The following DHX8 variants were observed in gnomAD, a reference collection of about 807,000 sequenced individuals.
The protein encoded by DHX8 is DEAH-box helicase 8, also known as ATP-dependent RNA helicase DHX8.
DHX8 carries 67 observed loss-of-function variants against 140.7 expected under a neutral mutation model. That is an observed-to-expected ratio of 0.48 (90% CI 0.39 to 0.58). DHX8 has a LOEUF of 0.58. Ranked by LOEUF, DHX8 falls within the 20% of genes least tolerant of loss-of-function variation. The pLI, the probability that DHX8 is intolerant of heterozygous loss-of-function variation, is 0.00. For missense variants in DHX8, 887 were observed against 1,550.7 expected (o/e 0.57, Z 7.19); for synonymous variants, 533 against 553.2 (o/e 0.96, Z 0.51).
intron 8 of DHX8, among the ~76,000 whole-genome samples, chr17:43,494,226 A>G (rs1567678500): frequency 6.6e-6 from 1 of 152,182 alleles, no homozygotes; most frequent in Admixed American, 6.5e-5. Flanking sequence ...CAGCGTGGGA[A>G]AGAGCTGCCT....
chr17:43,501,859 C>G (rs1480583596), intron 11 of DHX8, among the ~76,000 whole-genome samples: 4 of 152,084 alleles, frequency 2.6e-5, no homozygotes, highest in Non-Finnish European at 2.9e-5. Flanking sequence ...TGAGGGTGCC[C>G]TGCAGAATGA....
At chr17:43,521,111 C>T (rs1970355689) in intron 20 of DHX8, among the ~76,000 whole-genome samples, 2 of 151,602 alleles carry the variant, frequency 1.3e-5, no homozygotes, top group Non-Finnish European at 1.5e-5. Flanking sequence ...TACAGGCGTG[C>T]GCCACCGTGT....
At chr17:43,498,788 G>C (rs1410964881) in intron 9 of DHX8, 74 bp from the exon 10 acceptor site, 6 of 1,249,420 alleles carry the variant, frequency 4.8e-6, no homozygotes, top group Non-Finnish European at 6.8e-6. Flanking sequence ...GGTACCTATG[G>C]AAATTAATTG....
chr17:43,536,933 C>G (rs73304591), intron 3 of DHX8, among the ~76,000 whole-genome samples: 1 of 152,186 alleles, frequency 6.6e-6, no homozygotes, highest in East Asian at 1.9e-4. Context: ...CTTCTAGATG[C>G]TTTGTCTTTA....
chr17:43,533,306 G>A lies in DHX8; in HGVS notation c.351-3106G>A, dbSNP rs376164769. The stretch of plus-strand genomic sequence containing the variant: ...GGGGCGACTGTCCAAGGGCACCAGG[G>A]GCAGGGGACTTGATGGCGATTTGTC... On this transcript the variant is annotated intron_variant, in intron 2 of 3. Transcript: ENST00000589898. 14 of 1,613,788 alleles carry A rather than the reference G, an allele frequency of 8.7e-6. No individual in the cohort carries two copies. In the African/African-American group the frequency reaches 1.7e-4, roughly 20 times the overall value.
chr17:43,517,150 T>C lies in DHX8; in HGVS notation c.2644-17T>C. The C allele has an allele frequency of 6.2e-7, 1 of 1,603,268 alleles. No homozygotes were observed. The highest frequency in any genetic ancestry group is 1.1e-5 in the South Asian group (1 of 90,096). On this transcript the variant is annotated splice_polypyrimidine_tract_variant and intron_variant, in intron 17 of 22. Transcript: ENST00000262415. ...GTGTTTAACAGATATGTTGCTTTTA[T>C]ATGCCCACCCCTCTAGGCTCAGGCA...
chr17:43,522,305 T>A (rs1970414415), intron 22 of DHX8, 79 bp downstream of exon 22: 8 of 1,414,712 alleles, frequency 5.7e-6, no homozygotes. Context: ...TTTGTGATTG[T>A]GTCTTCACTA....
chr17:43,488,935 G>A (rs1283875633), intron 1 of DHX8, among the ~76,000 whole-genome samples: 1 of 152,106 alleles, frequency 6.6e-6, no homozygotes, highest in Admixed American at 6.5e-5. Flanking sequence ...CCTTTCATTT[G>A]TATAAATTCT....
intron 1 of DHX8, among the ~76,000 whole-genome samples, chr17:43,487,136 G>A (rs1438615404): frequency 6.6e-6 from 1 of 152,210 alleles, no homozygotes; most frequent in Non-Finnish European, 1.5e-5. Flanking sequence ...ACCTACTTAT[G>A]AGGGTTGTTT....
At chr17:43,514,564 G>GA (rs1970014550) in intron 17 of DHX8, among the ~76,000 whole-genome samples, 1 of 151,962 alleles carries the variant, frequency 6.6e-6, no homozygotes, top group South Asian at 2.1e-4. Context: ...ATTTAAAAAT[G>GA]AATTACCCGA....
intron 8 of DHX8, among the ~76,000 whole-genome samples, chr17:43,495,724 A>G (rs1206720146): frequency 6.6e-6 from 1 of 152,188 alleles, no homozygotes; most frequent in Non-Finnish European, 1.5e-5. Flanking sequence ...GATATATGAC[A>G]TTTGAGCTCC....
At chr17:43,534,804 G>C (rs1971148988) in intron 2 of DHX8, among the ~76,000 whole-genome samples, 1 of 152,084 alleles carries the variant, frequency 6.6e-6, no homozygotes, top group Non-Finnish European at 1.5e-5. Flanking sequence ...AGCCGGGCGT[G>C]GTGGCACATC....
chr17:43,531,998 C>T (rs909775568), intron 2 of DHX8, among the ~76,000 whole-genome samples: 1 of 152,194 alleles, frequency 6.6e-6, no homozygotes, highest in Non-Finnish European at 1.5e-5. Flanking sequence ...TACCTGAGGG[C>T]AGGATCTACA....
At chr17:43,505,805 T>TTAAAA (rs1969462922) in intron 12 of DHX8, among the ~76,000 whole-genome samples, 1 of 152,098 alleles carries the variant, frequency 6.6e-6, no homozygotes, top group South Asian at 2.1e-4. Flanking sequence ...CCACCGAGTC[T>TTAAAA]TCCTTGAGGT....
intron 18 of DHX8, 194 bp downstream of exon 18, chr17:43,517,516 G>C: frequency 1.7e-6 from 1 of 588,588 alleles, no homozygotes; most frequent in Admixed American, 3.5e-5. Flanking sequence ...TGTCTGCTGT[G>C]AACACACATT....
At chr17:43,485,593 A>G (rs969561914) in intron 1 of DHX8, among the ~76,000 whole-genome samples, 1 of 151,980 alleles carries the variant, frequency 6.6e-6, no homozygotes. Flanking sequence ...TTCAGCAAAT[A>G]TTGAGCTGGG....
chr17:43,504,845 G>A lies in DHX8; in HGVS notation c.1728+20G>A. ...GTCCAGGTGAGAAGACTTTTATGAT[G>A]TATTGGTGGGGAGTAGGGTTATTGT... is the stretch of plus-strand genomic sequence containing the variant. On this transcript the variant is annotated intron_variant, in intron 12 of 22. Coordinates refer to ENST00000262415, the MANE Select transcript of DHX8 (RefSeq NM_004941.3). The A allele has an allele frequency of 6.2e-7, 1 of 1,604,534 alleles. No individual in the cohort carries two copies. Among genetic ancestry groups the A allele is most frequent in the South Asian group, 1.1e-5 (1 of 89,692 alleles).
In DHX8 at chr17:43,490,454, A is replaced by G. The variant is rs144941832; in HGVS notation, c.298A>G (p.Thr100Ala). The change falls in exon 3 of 23, where the codon ACT becomes GCT. Residue 100 changes from threonine to alanine, a missense_variant. Physicochemically the swap from Thr to Ala is moderately conservative, Grantham distance 58. Around this residue, in one of 9 missense-constraint regions of DHX8, gnomAD observed 304 missense variants for 306.9 expected, o/e 0.99. Transcript: ENST00000262415. The stretch of plus-strand genomic sequence containing the variant: ...CATGCGGCCTCCAGCGAAGCCTTCC[A>G]CTAGCAAAGGTAAGCAGAGCTTCCA... ...QTMRPPAKPS[T>A]SKDPVVKPKT... is the part of the protein sequence containing the mutation. The G allele has an allele frequency of 2.5e-6, 4 of 1,613,516 alleles. No homozygotes were observed. The highest frequency in any genetic ancestry group is 2.7e-5 in the African/African-American group (2 of 74,934).
chr17:43,515,863 A>G (rs1294784844), intron 17 of DHX8, among the ~76,000 whole-genome samples: 2 of 152,166 alleles, frequency 1.3e-5, no homozygotes, highest in Non-Finnish European at 2.9e-5. Flanking sequence ...TGGAGCTGGC[A>G]TAGTAATTTG....
Sources: allele counts gnomAD v4.1 joint callset (sites outside exome capture counted in the v4.1 genomes callset), GRCh38; gene constraint gnomAD v4.1.1; regional missense constraint gnomAD v4.1.1; transcripts MANE v1.5; gene names NCBI Gene and HGNC (gene_info 2026-07-23, HGNC 2026-07-21).